The following SLC12A1 variants were observed in gnomAD, a reference collection of about 807,000 sequenced individuals.
SLC12A1 encodes Na-K-2Cl cotransporter.
SLC12A1 carries 89 observed loss-of-function variants against 130.4 expected under a neutral mutation model. That is an observed-to-expected ratio of 0.68 (90% CI 0.58 to 0.81). The LOEUF is 0.81. Among genes scored for constraint, SLC12A1 ranks in the 40% least tolerant of loss-of-function variants. The pLI is 0.00. For missense variants in SLC12A1, 1,310 were observed against 1,336.4 expected, an observed-to-expected ratio of 0.98 and a Z score of 0.31; for synonymous variants, 499 against 460.0, an observed-to-expected ratio of 1.08 and a Z score of -1.09.
intron 20 of SLC12A1, among the ~76,000 whole-genome samples, chr15:48,282,148 G>A (rs2042014350): frequency 1.3e-5 from 2 of 152,152 alleles, no homozygotes; most frequent in Admixed American, 6.5e-5. Flanking sequence ...ATCACACCAT[G>A]GTATGGATCT....
chr15:48,239,830 T>C (rs561131018), intron 9 of SLC12A1, among the ~76,000 whole-genome samples: 1 of 151,652 alleles, frequency 6.6e-6, no homozygotes, highest in African/African-American at 2.4e-5. Context: ...TTTGTATTTT[T>C]AGTAGAGATG....
At chr15:48,207,503 G>A in intron 1 of SLC12A1, 31 bp from the exon 2 acceptor site, 1 of 392,560 alleles carries the variant, frequency 2.5e-6, no homozygotes, top group Non-Finnish European at 4.5e-6. Flanking sequence ...GTATTACTTG[G>A]AACAAGTTTA....
chr15:48,288,570 T>A, intron 23 of SLC12A1, 54 bp downstream of exon 23: 1 of 842,198 alleles, frequency 1.2e-6, no homozygotes, highest in Non-Finnish European at 2.0e-6. Context: ...GTTGCTTTAA[T>A]GCTTTAATTT....
intron 17 of SLC12A1, among the ~76,000 whole-genome samples, chr15:48,265,923 C>T (rs2041827015): frequency 6.6e-6 from 1 of 152,042 alleles, no homozygotes; most frequent in African/African-American, 2.4e-5. Flanking sequence ...TGTATTAACC[C>T]AGTGTGTCCA....
At chr15:48,288,678 G>A (rs1271174485) in intron 23 of SLC12A1, among the ~76,000 whole-genome samples, 162 bp downstream of exon 23, 1 of 152,090 alleles carries the variant, frequency 6.6e-6, no homozygotes, top group Non-Finnish European at 1.5e-5. Context: ...TAAATTATTC[G>A]CATATTTTTC....
chr15:48,237,159 G>A (rs2041449138), intron 9 of SLC12A1: 4 of 632,792 alleles, frequency 6.3e-6, no homozygotes, highest in Non-Finnish European at 8.5e-6. Flanking sequence ...TCAGAAGAGG[G>A]GACACTCAAT....
rs901682976 is a variant in SLC12A1 at position 48,272,094 on chromosome 15, C to A, written c.2402+2330C>A. On this transcript the variant is annotated intron_variant, in intron 19 of 26. Coordinates refer to ENST00000380993, the MANE Select transcript of SLC12A1 (RefSeq NM_000338.3). ...AATAATCAAACCCAGTAATACTGAACCAAGGAGGCCTCTGGCTTTTATGAC... is the reference window on the plus strand; with the variant it reads ...AATAATCAAACCCAGTAATACTGAAACAAGGAGGCCTCTGGCTTTTATGAC... Among the ~76,000 whole-genome samples the A allele has an allele frequency of 2.0e-5, 3 of 152,148 alleles. No homozygotes were observed. The South Asian group carries it at 6.2e-4, about 31-fold the overall frequency.
intron 17 of SLC12A1, among the ~76,000 whole-genome samples, chr15:48,265,234 A>T (rs569149638): frequency 6.6e-6 from 1 of 152,296 alleles, no homozygotes. Flanking sequence ...TGACTTCTCA[A>T]TATGGCAAGT....
At chr15:48,300,443 AAGGGCC>A (rs1382516068) in intron 25 of SLC12A1, among the ~76,000 whole-genome samples, 1 of 152,172 alleles carries the variant, frequency 6.6e-6, no homozygotes, top group Non-Finnish European at 1.5e-5. Context: ...GAAGGAAGAT[AAGGGCC>A]ACCCTGAGAC....
chr15:48,301,971 C>T (rs1478391006), intron 26 of SLC12A1, among the ~76,000 whole-genome samples: 1 of 152,116 alleles, frequency 6.6e-6, no homozygotes, highest in Non-Finnish European at 1.5e-5. Flanking sequence ...GAATTGACTC[C>T]TATGTATAAA....
chr15:48,236,293 T>A (rs2041439715), intron 9 of SLC12A1, among the ~76,000 whole-genome samples: 1 of 152,228 alleles, frequency 6.6e-6, no homozygotes. Context: ...ATTGTTAAGT[T>A]AATCAGGGAT....
At chr15:48,240,094 T>C (rs1247535035) in intron 9 of SLC12A1, among the ~76,000 whole-genome samples, 3 of 78,742 alleles carry the variant, frequency 3.8e-5, no homozygotes, top group African/African-American at 7.6e-5. Flanking sequence ...TATATATCCA[T>C]ATATATATAT....
At chr15:48,215,260 A>G (rs924508752) in intron 2 of SLC12A1, among the ~76,000 whole-genome samples, 1 of 152,176 alleles carries the variant, frequency 6.6e-6, no homozygotes, top group Non-Finnish European at 1.5e-5. Flanking sequence ...TGCCCTTTAA[A>G]CTGCATGTGA....
chr15:48,224,422 G>C (rs775217191), intron 4 of SLC12A1: 1 of 152,192 alleles, frequency 6.6e-6, no homozygotes, highest in Non-Finnish European at 1.5e-5. Context: ...TCAGTGATGA[G>C]TGACTTAAAG....
At chr15:48,296,394 C>A (rs1363093147) in intron 24 of SLC12A1, among the ~76,000 whole-genome samples, 3 of 151,872 alleles carry the variant, frequency 2.0e-5, no homozygotes, top group African/African-American at 4.8e-5. Flanking sequence ...AATAATTGAC[C>A]CAGGAGAAAC....
chr15:48,269,005 G>A (rs918842462), intron 18 of SLC12A1, among the ~76,000 whole-genome samples: 24 of 152,228 alleles, frequency 1.6e-4, no homozygotes, highest in African/African-American at 5.3e-4. Context: ...TGAAGTACAG[G>A]AGAACCATGG....
At chr15:48,289,060 A>G (rs1471874398) in intron 23 of SLC12A1, among the ~76,000 whole-genome samples, 6 of 151,782 alleles carry the variant, frequency 4.0e-5, no homozygotes, top group Non-Finnish European at 7.4e-5. Context: ...TGTAGTTTGA[A>G]AGAGTTTAAA....
At position 48,269,663 on chromosome 15, in the gene SLC12A1, A is replaced by G. The variant is rs778358691; in HGVS notation, c.2301A>G (p.Ser767=). ...RDGVRSLLQA[S]GLGRMKPNTL... is the part of the protein sequence containing the mutation. ...TTTTTATGTCCTCTGTTTAGGCCTCAGGCTTAGGAAGAATGAAACCAAACA... is the reference window on the plus strand; with the variant it reads ...TTTTTATGTCCTCTGTTTAGGCCTCGGGCTTAGGAAGAATGAAACCAAACA... Residue 767 remains serine, a synonymous_variant, in exon 19 of 27, where the codon TCA becomes TCG. Transcript: ENST00000380993. 1.9e-5 allele frequency: 30 copies of G among 1,601,316 alleles called. No homozygotes were observed. Among genetic ancestry groups the G allele is most frequent in the Non-Finnish European group, 1.7e-6 (2 of 1,169,396 alleles).
At chr15:48,223,457 A>G (rs1180816879) in intron 4 of SLC12A1, 1 of 152,212 alleles carries the variant, frequency 6.6e-6, no homozygotes, top group African/African-American at 2.4e-5. Context: ...AGAGAAGCAA[A>G]TCCCTTGCTG....
Sources: allele counts gnomAD v4.1 joint callset (sites outside exome capture counted in the v4.1 genomes callset), GRCh38; gene constraint gnomAD v4.1.1; transcripts MANE v1.5; gene names NCBI Gene and HGNC (gene_info 2026-07-23, HGNC 2026-07-21).